Variants in HTRA1 observed in about 807,000 individuals in gnomAD.
The protein encoded by HTRA1 is HtrA serine peptidase 1.
Under a neutral mutation model 49.7 loss-of-function variants are expected in HTRA1, and 26 were observed. That is an observed-to-expected ratio of 0.52 (90% CI 0.38 to 0.73). HTRA1 has a LOEUF of 0.73. HTRA1 is among the 30% of genes least tolerant of loss of function. The pLI is 0.00. For synonymous variants in HTRA1, 291 were observed against 286.9 expected (o/e 1.01, Z -0.14); for missense variants, 561 against 667.2 (o/e 0.84, Z 1.75).
At chr10:122,496,617 G>T (rs574018699) in intron 3 of HTRA1, among the ~76,000 whole-genome samples, 1 of 152,256 alleles carries the variant, frequency 6.6e-6, no homozygotes, top group East Asian at 1.9e-4. Flanking sequence ...AAGTGAAGGG[G>T]TAGAAGGTAT....
chr10:122,485,317 C>T (rs896672428), intron 1 of HTRA1, among the ~76,000 whole-genome samples: 2 of 152,238 alleles, frequency 1.3e-5, no homozygotes, highest in Middle Eastern at 3.2e-3. Context: ...AGATGCACCA[C>T]GAAGGCTTGT....
chr10:122,498,870 T>G lies in HTRA1; in HGVS notation c.778-7821T>G, dbSNP rs116751335. On this transcript the variant is annotated intron_variant, in intron 3 of 8. Transcript: ENST00000368984. ...ACTTGGGGCTTTAGCTCAGGCTGGA[T>G]TCCTCCTGCTGCCTCCCCAGTCCCT... Among the ~76,000 whole-genome samples the G allele has an allele frequency of 9.3e-3, 1,415 of 152,350 alleles. 26 individuals carry two copies. The highest frequency in any genetic ancestry group is 0.032 in the African/African-American group (1,343 of 41,590).
At chr10:122,473,571 T>C (rs534252674) in intron 1 of HTRA1, among the ~76,000 whole-genome samples, 4 of 152,362 alleles carry the variant, frequency 2.6e-5, no homozygotes, top group Non-Finnish European at 4.4e-5. Context: ...ATTTTTCTTT[T>C]TAAAACAGCT....
At chr10:122,489,398 A>G in intron 2 of HTRA1, 24 bp from the exon 3 acceptor site, 1 of 1,608,382 alleles carries the variant, frequency 6.2e-7, no homozygotes, top group Non-Finnish European at 8.5e-7. Context: ...TACAGGCTTA[A>G]GTGTGTACTC....
intron 1 of HTRA1, among the ~76,000 whole-genome samples, chr10:122,462,795 C>G (rs568020865): frequency 6.6e-6 from 1 of 152,342 alleles, no homozygotes; most frequent in Non-Finnish European, 1.5e-5. Context: ...TTTGAATAAG[C>G]TGAATCGGGC....
At chr10:122,511,065 A>G (rs2097505329) in intron 7 of HTRA1, among the ~76,000 whole-genome samples, 1 of 152,088 alleles carries the variant, frequency 6.6e-6, no homozygotes. Context: ...GACCTTGGGA[A>G]CGATATGACC....
intron 3 of HTRA1, 53 bp downstream of exon 3, chr10:122,489,679 T>G (rs1591032669): frequency 6.6e-7 from 1 of 1,525,012 alleles, no homozygotes; most frequent in Non-Finnish European, 9.0e-7. Flanking sequence ...CGGAACACCC[T>G]TGGCAAAGGC....
chr10:122,489,924 C>T (rs569067694), intron 3 of HTRA1, among the ~76,000 whole-genome samples: 3 of 152,272 alleles, frequency 2.0e-5, no homozygotes, highest in South Asian at 2.1e-4. Flanking sequence ...AAAATTGATT[C>T]TCCTTCCCAT....
chr10:122,506,697 C>A lies in HTRA1; in HGVS notation c.784C>A (p.Leu262Met). ...ALIKIDHQGKLPVLLLGRSSE... is the reference protein window; with the variant it reads ...ALIKIDHQGKMPVLLLGRSSE... ...CCAGCCATTGTGGTTTCAGGGCAAGCTGCCTGTCCTGCTGCTTGGCCGCTC... is the reference window on the plus strand; with the variant it reads ...CCAGCCATTGTGGTTTCAGGGCAAGATGCCTGTCCTGCTGCTTGGCCGCTC... Residue 262 changes from leucine (L) to methionine (M), a missense_variant, in exon 4 of 9, where the codon CTG (leucine) becomes ATG (methionine). Transcript: ENST00000368984. The surrounding 1 kb of genome is among the most constrained non-coding windows in gnomAD (Gnocchi z 5.2). 3 of 1,612,636 alleles carry A rather than the reference C, an allele frequency of 1.9e-6. No homozygotes were observed. Among genetic ancestry groups the A allele is most frequent in the Non-Finnish European group, 2.5e-6 (3 of 1,179,978 alleles).
Position 122,490,992 on chromosome 10 carries a change from G to C in HTRA1, c.777+1366G>C, listed in dbSNP as rs1034947404. Among the ~76,000 whole-genome samples the C allele has an allele frequency of 6.6e-6, 1 of 152,166 alleles. No homozygotes were observed. The highest frequency in any genetic ancestry group is 1.5e-5 in the Non-Finnish European group (1 of 68,040). ...GGCTCTGGGTAGATATAGGCTCTGT[G>C]CCCGGTGTGTGTAACTGGCCTTGAG... On this transcript the variant is annotated intron_variant, in intron 3 of 8. Coordinates refer to ENST00000368984, the MANE Select transcript of HTRA1 (RefSeq NM_002775.5). The surrounding 1 kb of genome is among the most constrained non-coding windows in gnomAD (Gnocchi z 4.2).
In HTRA1 at chr10:122,510,083, G is replaced by A. The variant is rs138859679; in HGVS notation, c.1121-13G>A. On this transcript the variant is annotated splice_polypyrimidine_tract_variant and intron_variant, in intron 6 of 8. Coordinates refer to ENST00000368984, the MANE Select transcript of HTRA1 (RefSeq NM_002775.5). ...TGGGCTGACCTTCTGCTGTCCCTTT[G>A]TTGTCTCACCAGGAAAAGCCATCAC... 9.9e-6 allele frequency: 16 copies of A among 1,613,206 alleles called. No individual in the cohort carries two copies. The African/African-American group carries it at 1.9e-4, about 19-fold the overall frequency.
chr10:122,511,758 ATAAAT>A (rs1565437660), intron 7 of HTRA1, among the ~76,000 whole-genome samples: 1 of 150,756 alleles, frequency 6.6e-6, no homozygotes, highest in African/African-American at 2.4e-5. Flanking sequence ...AATAAAAAAA[ATAAAT>A]AAATAATAAA....
At chr10:122,486,221 G>A (rs1333161957) in intron 1 of HTRA1, among the ~76,000 whole-genome samples, 1 of 152,138 alleles carries the variant, frequency 6.6e-6, no homozygotes, top group South Asian at 2.1e-4. Flanking sequence ...TAAAGTCTGC[G>A]AGCCTCAGTT....
chr10:122,493,342 C>T (rs1032624311), intron 3 of HTRA1, among the ~76,000 whole-genome samples: 5 of 152,172 alleles, frequency 3.3e-5, no homozygotes, highest in African/African-American at 9.7e-5. Context: ...TGCAGAAAGT[C>T]GGGACAGTGT....
intron 2 of HTRA1, 29 bp from the exon 3 acceptor site, chr10:122,489,393 G>C: frequency 6.2e-7 from 1 of 1,602,582 alleles, no homozygotes. Context: ...GGTGCTACAG[G>C]CTTAAGTGTG....
chr10:122,470,331 G>C (rs1373627147), intron 1 of HTRA1, among the ~76,000 whole-genome samples: 1 of 152,176 alleles, frequency 6.6e-6, no homozygotes, highest in African/African-American at 2.4e-5. Flanking sequence ...ATGCTGCCTA[G>C]GAGACATCAG....
chr10:122,510,403 T>C (rs2097505083), intron 7 of HTRA1, among the ~76,000 whole-genome samples: 1 of 152,230 alleles, frequency 6.6e-6, no homozygotes, highest in Non-Finnish European at 1.5e-5. Flanking sequence ...TAGAAGGTTC[T>C]GCCCTCCTCT....
At position 122,497,382 on chromosome 10, in the gene HTRA1, T is replaced by G. The variant is rs180913649; in HGVS notation, c.777+7756T>G. Among the ~76,000 whole-genome samples the G allele has an allele frequency of 3.9e-5, 6 of 152,354 alleles. No homozygotes were observed. In the East Asian group the frequency reaches 9.6e-4, roughly 24 times the overall value. On this transcript the variant is annotated intron_variant, in intron 3 of 8. Transcript: ENST00000368984. Reference sequence around the variant, plus strand: ...TATACATGTTTTAAACATTTTAAAATAAATCTGAAAAGAATGCTACATCCT... The same window carrying G: ...TATACATGTTTTAAACATTTTAAAAGAAATCTGAAAAGAATGCTACATCCT...
chr10:122,502,734 A>G (rs904566649), intron 3 of HTRA1, among the ~76,000 whole-genome samples: 7 of 152,324 alleles, frequency 4.6e-5, no homozygotes, highest in South Asian at 2.1e-4. Context: ...GGCTCACTGC[A>G]GAAAGACTGT....
Sources: allele counts gnomAD v4.1 joint callset (sites outside exome capture counted in the v4.1 genomes callset), GRCh38; gene constraint gnomAD v4.1.1; non-coding constraint Gnocchi (gnomAD v3.1); transcripts MANE v1.5; gene names NCBI Gene and HGNC (gene_info 2026-07-23, HGNC 2026-07-21).